Variants in TRIM55 observed in about 807,000 individuals in gnomAD.
TRIM55 encodes tripartite motif-containing protein 55.
TRIM55 carries 50 observed loss-of-function variants against 60.9 expected under a neutral mutation model. The ratio of observed to expected loss-of-function variants is 0.82; its 90% CI spans 0.65 to 1.04. TRIM55 has a LOEUF of 1.04. TRIM55 is among the 50% of genes least tolerant of loss of function. TRIM55 has a pLI of 0.00. For missense variants in TRIM55, 681 were observed against 666.9 expected, an observed-to-expected ratio of 1.02 and a Z score of -0.23; for synonymous variants, 237 against 238.1, an observed-to-expected ratio of 1.00 and a Z score of 0.04.
intron 4 of TRIM55, among the ~76,000 whole-genome samples, chr8:66,139,779 C>T (rs1809698013): frequency 1.3e-5 from 2 of 152,088 alleles, no homozygotes; most frequent in South Asian, 4.1e-4. Flanking sequence ...TATTTCATTT[C>T]TTTCATTTAT....
intron 8 of TRIM55, 108 bp downstream of exon 8, chr8:66,152,735 A>T: frequency 7.1e-7 from 1 of 1,406,450 alleles, no homozygotes; most frequent in African/African-American, 1.4e-5. Context: ...ACTATATGCC[A>T]GACATTCGTA....
chr8:66,168,559 C>A (rs1469597969), intron 9 of TRIM55, among the ~76,000 whole-genome samples: 8 of 152,252 alleles, frequency 5.3e-5, no homozygotes, highest in Non-Finnish European at 1.2e-4. Flanking sequence ...CACTCAGCAG[C>A]CTTAAGTCTA....
rs764927620 is a variant in TRIM55 at position 66,154,129 on chromosome 8, T to G, written c.1319T>G (p.Leu440Trp). Reference protein sequence around the residue: ...VPAAAETADPLFYPSWYKGQT... With the variant: ...VPAAAETADPWFYPSWYKGQT... The stretch of plus-strand genomic sequence containing the variant: ...GCAGCAGCAGAAACTGCGGATCCCT[T>G]GTTTTACCCTAGTTGGTATAAAGGC... Residue 440 changes from leucine to tryptophan, a missense_variant, in exon 9 of 10, where the codon TTG becomes TGG. Physicochemically the swap from Leu to Trp is moderately conservative, Grantham distance 61. Transcript: ENST00000315962. 6.2e-7 allele frequency: 1 copy of G among 1,614,012 alleles called. No homozygotes were observed. Among genetic ancestry groups the G allele is most frequent in the Admixed American group, 1.7e-5 (1 of 59,994 alleles).
chr8:66,127,770 C>T (rs1368542199), intron 1 of TRIM55, among the ~76,000 whole-genome samples: 1 of 152,132 alleles, frequency 6.6e-6, no homozygotes, highest in Non-Finnish European at 1.5e-5. Flanking sequence ...AGGAGGCGGA[C>T]ATTGCAGCGA....
the TRIM55 span, among the ~76,000 whole-genome samples, chr8:66,114,156 T>C: frequency 6.9e-6 from 1 of 144,370 alleles, no homozygotes; most frequent in Non-Finnish European, 1.5e-5. Context: ...GACCCTTCTC[T>C]AAAGGAACAG....
the TRIM55 span, among the ~76,000 whole-genome samples, chr8:66,116,053 A>G: frequency 1.3e-5 from 2 of 152,172 alleles, no homozygotes; most frequent in Non-Finnish European, 2.9e-5. Context: ...AAGGGTTTGT[A>G]TATGCGTTTA....
chr8:66,118,538 A>G, the TRIM55 span, among the ~76,000 whole-genome samples: 24 of 152,318 alleles, frequency 1.6e-4, no homozygotes, highest in African/African-American at 4.8e-4. Context: ...AGTATTTTGT[A>G]GATGTCATGG....
chr8:66,173,573 T>G (rs932434386), intron 9 of TRIM55, among the ~76,000 whole-genome samples: 1 of 152,350 alleles, frequency 6.6e-6, no homozygotes, highest in Admixed American at 6.5e-5. Context: ...GGGATAATTT[T>G]ACCAGTGATG....
the TRIM55 span, chr8:66,114,728 C>A: frequency 2.3e-6 from 1 of 434,528 alleles, no homozygotes; most frequent in Non-Finnish European, 4.6e-6. Flanking sequence ...GACTGCCTGG[C>A]TCTGGGCAGA....
In TRIM55 at chr8:66,149,672, C is replaced by A. The variant is rs1810296381; in HGVS notation, c.631C>A (p.Leu211Ile). ...ATGTTGCAGAAAACAGAAACAAGAG[C>A]TTTGTGAGAAGTTTGATTACCTGTA... ...EECCRKQKQE[L>I]CEKFDYLYGI... The change falls in exon 5 of 10, where the codon CTT becomes ATT. Residue 211 changes from leucine (L) to isoleucine (I), a missense_variant. Transcript: ENST00000315962. The A allele has an allele frequency of 1.2e-6, 2 of 1,613,986 alleles. No homozygotes were observed. Among genetic ancestry groups the A allele is most frequent in the Non-Finnish European group, 8.5e-7 (1 of 1,179,880 alleles).
intron 4 of TRIM55, among the ~76,000 whole-genome samples, chr8:66,140,758 ACAGAGC>A (rs889480392): frequency 6.6e-6 from 1 of 152,242 alleles, no homozygotes; most frequent in Non-Finnish European, 1.5e-5. Context: ...GGTCAGGGCC[ACAGAGC>A]TCTTGTGTCT....
chr8:66,122,953 T>G (rs1280709713), upstream of TRIM55, among the ~76,000 whole-genome samples: 1 of 152,210 alleles, frequency 6.6e-6, no homozygotes, highest in African/African-American at 2.4e-5. Context: ...CAACACTGTC[T>G]CTTCTGAGGA....
At chr8:66,153,419 G>A (rs943399104) in intron 8 of TRIM55, among the ~76,000 whole-genome samples, 1 of 152,162 alleles carries the variant, frequency 6.6e-6, no homozygotes, top group African/African-American at 2.4e-5. Context: ...GAGTTTGCAG[G>A]CAGTGCAGAC....
Position 66,154,122 on chromosome 8 carries a change from G to C in TRIM55, c.1312G>C (p.Asp438His), listed in dbSNP as rs1810597400. Residue 438 changes from aspartate to histidine, a missense_variant, in exon 9 of 10, where the codon GAT becomes CAT. By Grantham distance (81) the Asp-to-His change is moderately conservative. Transcript: ENST00000315962. Reference sequence around the variant, plus strand: ...AGTCCCTGCAGCAGCAGAAACTGCGGATCCCTTGTTTTACCCTAGTTGGTA... The same window carrying C: ...AGTCCCTGCAGCAGCAGAAACTGCGCATCCCTTGTTTTACCCTAGTTGGTA... ...TPVPAAAETA[D>H]PLFYPSWYKG... 6.2e-7 allele frequency: 1 copy of C among 1,613,930 alleles called. No individual in the cohort carries two copies. The highest frequency in any genetic ancestry group is 8.5e-7 in the Non-Finnish European group (1 of 1,180,014).
chr8:66,174,506 T>G lies in TRIM55; in HGVS notation c.1560T>G (p.Ala520=). 1.2e-6 allele frequency: 2 copies of G among 1,612,652 alleles called. No homozygotes were observed. Among genetic ancestry groups the G allele is most frequent in the Non-Finnish European group, 1.7e-6 (2 of 1,179,646 alleles). The part of the protein sequence containing the change: ...GFEAPPLQGQ[A]AAPASGSGAD... ...AGGCTCCTCCCCTCCAGGGACAGGC[T>G]GCAGCTCCAGCGAGTGGCAGTGGAG... The change falls in exon 10 of 10, where the codon GCT becomes GCG. Residue 520 remains alanine (A), a synonymous_variant. Coordinates refer to ENST00000315962, the MANE Select transcript of TRIM55 (RefSeq NM_184085.2).
the TRIM55 span, among the ~76,000 whole-genome samples, chr8:66,118,204 C>G: frequency 7.7e-6 from 1 of 129,612 alleles, no homozygotes; most frequent in Non-Finnish European, 1.6e-5. Flanking sequence ...AAGAAGTGTT[C>G]AGAGGAAAGT....
intron 9 of TRIM55, among the ~76,000 whole-genome samples, chr8:66,159,055 T>A (rs1810904231): frequency 6.6e-6 from 1 of 152,248 alleles, no homozygotes; most frequent in African/African-American, 2.4e-5. Flanking sequence ...ATACATACAC[T>A]AAAATTTACC....
At chr8:66,155,947 T>C (rs1810715186) in intron 9 of TRIM55, among the ~76,000 whole-genome samples, 1 of 152,182 alleles carries the variant, frequency 6.6e-6, no homozygotes, top group African/African-American at 2.4e-5. Context: ...GAACCTTGAC[T>C]GAGAACAGTA....
chr8:66,163,659 TTTAAG>T (rs1444984561), intron 9 of TRIM55, among the ~76,000 whole-genome samples: 1 of 152,216 alleles, frequency 6.6e-6, no homozygotes, highest in Non-Finnish European at 1.5e-5. Flanking sequence ...TTCCAATCTT[TTTAAG>T]TTTATTAAGA....
Sources: allele counts gnomAD v4.1 joint callset (sites outside exome capture counted in the v4.1 genomes callset), GRCh38; gene constraint gnomAD v4.1.1; transcripts MANE v1.5; gene names NCBI Gene and HGNC (gene_info 2026-07-23, HGNC 2026-07-21).